ITGA10: variants seen among roughly 807,000 people sequenced by gnomAD.
ITGA10 encodes integrin alpha-10.
A neutral mutation model predicts 145.2 loss-of-function variants in ITGA10; 105 were observed. That is an observed-to-expected ratio of 0.72 (90% confidence interval 0.62 to 0.85). The LOEUF (loss-of-function observed/expected upper bound fraction) is 0.85, where lower values mean the gene tolerates loss of function less well. ITGA10 is among the 40% of genes least tolerant of loss of function. The probability of loss-of-function intolerance (pLI) is 0.00; values close to 1 mark genes in which losing one functional copy is unlikely to be tolerated. For synonymous variants in ITGA10, 506 were observed against 557.8 expected (o/e 0.91, Z 1.31); for missense variants, 1,317 against 1,444.5 (o/e 0.91, Z 1.43).
chr1:145,909,887 A>T (rs1381832726), intron 1 of ITGA10, 76 bp downstream of exon 1: 3 of 1,267,420 alleles, frequency 2.4e-6, no homozygotes, highest in Non-Finnish European at 3.5e-6. Context: ...AAGAATTTTA[A>T]CTATAATGGT....
chr1:145,900,579 A>G (rs1337896090), intron 14 of ITGA10, among the ~76,000 whole-genome samples: 1 of 151,962 alleles, frequency 6.6e-6, no homozygotes, highest in Non-Finnish European at 1.5e-5. Context: ...TGCTCTTTAT[A>G]ATGCTCCCGT....
rs376848002 is a variant in ITGA10 at position 145,896,365 on chromosome 1, C to A, written c.2835-13G>T. On this transcript the variant is annotated splice_polypyrimidine_tract_variant and intron_variant, in intron 23 of 29. Coordinates refer to ENST00000369304, the MANE Select transcript of ITGA10 (RefSeq NM_003637.5). ...CAGGGTAGACTCACTGTGTGAACAC[C>A]AAGTCAGGAAGTACATGGTCACAGC... is the stretch of plus-strand genomic sequence containing the variant. The A allele has an allele frequency of 1.9e-6, 3 of 1,601,982 alleles. No individual in the cohort carries two copies. Among genetic ancestry groups the A allele is most frequent in the Non-Finnish European group, 2.6e-6 (3 of 1,169,208 alleles).
intron 1 of ITGA10, among the ~76,000 whole-genome samples, chr1:145,909,736 T>C (rs1553752641): frequency 2.0e-5 from 3 of 147,536 alleles, no homozygotes; most frequent in African/African-American, 7.5e-5. Flanking sequence ...GATACAAATC[T>C]TACACAAGGT....
intron 14 of ITGA10, among the ~76,000 whole-genome samples, chr1:145,900,407 A>G (rs1656117105): frequency 6.6e-6 from 1 of 152,076 alleles, no homozygotes; most frequent in Non-Finnish European, 1.5e-5. Flanking sequence ...AACTGGGATT[A>G]TAGGTGTGCG....
chr1:145,900,201 A>G lies in ITGA10; in HGVS notation c.1792-14T>C, dbSNP rs370582035. 151 of 1,607,530 alleles carry G rather than the reference A, an allele frequency of 9.4e-5. No homozygotes were observed. The African/African-American group carries it at 1.4e-3, about 15-fold the overall frequency. On this transcript the variant is annotated splice_polypyrimidine_tract_variant and intron_variant, in intron 14 of 29. Transcript: ENST00000369304. The stretch of plus-strand genomic sequence containing the variant: ...AGCAGCAATCCTCTGAGAGGAAGAG[A>G]GAGAATACTGAGGCAGGGACCCATA...
At chr1:145,894,871 C>T (rs1456029671) in intron 27 of ITGA10, among the ~76,000 whole-genome samples, 13 of 152,124 alleles carry the variant, frequency 8.5e-5, no homozygotes, top group Admixed American at 3.3e-4. Context: ...TCAGTGTCAA[C>T]CTAATACAGG....
Position 145,896,042 on chromosome 1 carries a change from G to A in ITGA10, c.2974C>T (p.Pro992Ser), listed in dbSNP as rs1553744925. Reference sequence around the variant, plus strand: ...TAATTGCCCCCATGGGCCACAGCTGGAAGGAGGGCTGAGATGATGAGGCCA... The same window carrying A: ...TAATTGCCCCCATGGGCCACAGCTGAAAGGAGGGCTGAGATGATGAGGCCA... Reference protein sequence around the residue: ...VSGLIISALLPAVAHGGNYFL... With the variant: ...VSGLIISALLSAVAHGGNYFL... The change falls in exon 25 of 30, where the codon CCA (proline) becomes TCA (serine). Residue 992 changes from proline (P) to serine (S), a missense_variant. By Grantham distance (74) the Pro-to-Ser change is moderately conservative. Coordinates refer to ENST00000369304, the MANE Select transcript of ITGA10 (RefSeq NM_003637.5). The A allele has an allele frequency of 6.2e-7, 1 of 1,614,160 alleles. No individual in the cohort carries two copies. The highest frequency in any genetic ancestry group is 8.5e-7 in the Non-Finnish European group (1 of 1,180,030).
chr1:145,897,383 A>T, intron 20 of ITGA10, 44 bp from the exon 21 acceptor site: 2 of 1,606,896 alleles, frequency 1.2e-6, no homozygotes, highest in Admixed American at 3.3e-5. Context: ...CTGGGGCTGC[A>T]ACTGCTGTCC....
intron 1 of ITGA10, among the ~76,000 whole-genome samples, chr1:145,909,172 C>T (rs1241539864): frequency 3.3e-5 from 5 of 151,394 alleles, no homozygotes; most frequent in Admixed American, 2.6e-4. Flanking sequence ...TGGTAGCACA[C>T]GCCTATAGTC....
rs375280305 is a variant in ITGA10 at position 145,902,233 on chromosome 1, C to T, written c.1149+13G>A. 1 of 1,613,360 alleles carries T rather than the reference C, an allele frequency of 6.2e-7. No homozygotes were observed. The highest frequency in any genetic ancestry group is 8.5e-7 in the Non-Finnish European group (1 of 1,179,450). On this transcript the variant is annotated intron_variant, in intron 10 of 29. Transcript: ENST00000369304. Reference sequence around the variant, plus strand: ...AGAATGGGAGAAGTAATGAAGGGGTCAATCTGTCCAACCTTTAGCCGATGA... The same window carrying T: ...AGAATGGGAGAAGTAATGAAGGGGTTAATCTGTCCAACCTTTAGCCGATGA...
At position 145,907,420 on chromosome 1, in the gene ITGA10, A is replaced by G. The variant is rs782430795; in HGVS notation, c.98T>C (p.Phe33Ser). The stretch of plus-strand genomic sequence containing the variant: ...AAATTCAGCTTCTGGTGGCCCTGGG[A>G]ATAGGCGTGGGTGATGTTCATCCAG... Reference protein sequence around the residue: ...FNLDEHHPRLFPGPPEAEFGY... With the variant: ...FNLDEHHPRLSPGPPEAEFGY... The change falls in exon 2 of 30, where the codon TTC becomes TCC. Residue 33 changes from phenylalanine (F) to serine (S), a missense_variant. Transcript: ENST00000369304. 1.2e-6 allele frequency: 2 copies of G among 1,613,982 alleles called. No individual in the cohort carries two copies. Among genetic ancestry groups the G allele is most frequent in the African/African-American group, 2.7e-5 (2 of 74,882 alleles).
intron 5 of ITGA10, chr1:145,906,090 T>G (rs1553750919): frequency 1.0e-5 from 3 of 299,358 alleles, no homozygotes; most frequent in Admixed American, 4.8e-5. Flanking sequence ...CCCAGCTAAT[T>G]TTTGTATTTT....
rs1553748069 is a variant in ITGA10 at position 145,900,996 on chromosome 1, G to C, written c.1588-3C>G. Reference sequence around the variant, plus strand: ...CCTTGGAGGGTCAGCAAGGACTGCTGGTGGAGGAGAGAAGATAGAAGATGC... The same window carrying C: ...CCTTGGAGGGTCAGCAAGGACTGCTCGTGGAGGAGAGAAGATAGAAGATGC... On this transcript the variant is annotated splice_region_variant and splice_polypyrimidine_tract_variant and intron_variant, in intron 13 of 29. Transcript: ENST00000369304. 1.2e-6 allele frequency: 2 copies of C among 1,614,028 alleles called. No homozygotes were observed.
intron 14 of ITGA10, 77 bp downstream of exon 14, chr1:145,900,713 G>T: frequency 2.1e-6 from 3 of 1,455,818 alleles, no homozygotes; most frequent in South Asian, 1.2e-5. Flanking sequence ...AAGCCAAGGA[G>T]ACTATTGACA....
chr1:145,906,899 G>T, intron 3 of ITGA10, 75 bp from the exon 4 acceptor site: 2 of 1,248,232 alleles, frequency 1.6e-6, no homozygotes, highest in African/African-American at 1.5e-5. Context: ...TGATTTTGGA[G>T]GAGAATGAGC....
intron 29 of ITGA10, 76 bp downstream of exon 29, chr1:145,893,085 G>C (rs1654916154): frequency 8.5e-7 from 1 of 1,182,516 alleles, no homozygotes; most frequent in Non-Finnish European, 1.3e-6. Flanking sequence ...CACAAATCCT[G>C]TTCTCTCTGC....
intron 15 of ITGA10, 64 bp downstream of exon 15, chr1:145,899,993 T>C (rs188142253): frequency 6.6e-7 from 1 of 1,508,952 alleles, no homozygotes; most frequent in African/African-American, 1.4e-5. Context: ...TCTGTGACTT[T>C]AAGGCCCTTG....
chr1:145,896,825 A>T lies in ITGA10; in HGVS notation c.2778T>A (p.Asp926Glu), dbSNP rs1553745278. 1 of 1,614,030 alleles carries T rather than the reference A, an allele frequency of 6.2e-7. No individual in the cohort carries two copies. Among genetic ancestry groups the T allele is most frequent in the African/African-American group, 1.3e-5 (1 of 74,986 alleles). ...TGTAGGCTGAGGTCTGGGCTGTGTTATCTTGAAGGGTCCCATTTCTCTCCA... is the reference window on the plus strand; with the variant it reads ...TGTAGGCTGAGGTCTGGGCTGTGTTTTCTTGAAGGGTCCCATTTCTCTCCA... ...DSLERNGTLQ[D>E]NTAQTSAYIQ... is the part of the protein sequence containing the mutation. Residue 926 changes from aspartate to glutamate, a missense_variant, in exon 23 of 30, where the codon GAT becomes GAA. Transcript: ENST00000369304.
At chr1:145,893,510 A>G (rs1654976002) in intron 28 of ITGA10, 30 bp downstream of exon 28, 1 of 1,549,772 alleles carries the variant, frequency 6.5e-7, no homozygotes, top group Middle Eastern at 1.7e-4. Context: ...CATTATTTTC[A>G]CAGCTCTCAG....
Sources: allele counts gnomAD v4.1 joint callset (sites outside exome capture counted in the v4.1 genomes callset), GRCh38; gene constraint gnomAD v4.1.1; transcripts MANE v1.5; gene names NCBI Gene and HGNC (gene_info 2026-07-23, HGNC 2026-07-21).